Variants in SYT5 observed in about 807,000 individuals in gnomAD.
SYT5 encodes synaptotagmin-5.
In SYT5, 29 loss-of-function variants were observed where a neutral mutation model predicts 36.0. That is an observed-to-expected ratio of 0.81 (90% CI 0.60 to 1.10). The LOEUF (loss-of-function observed/expected upper bound fraction) is 1.10. Ranked by LOEUF, SYT5 falls within the 50% of genes least tolerant of loss-of-function variation. SYT5 has a pLI of 0.00. For synonymous variants in SYT5, 231 were observed against 227.6 expected (o/e 1.02, Z -0.14); for missense variants, 512 against 516.0 (o/e 0.99, Z 0.08).
At position 55,175,583 on chromosome 19, in the gene SYT5, G is replaced by A. The variant is rs2086066699; in HGVS notation, c.540+126C>T. Reference sequence around the variant, plus strand: ...GTAGTGCCCAGGGTCCAGTGGAATAGCCCCAGAGCTGGTAGCTGCCACCTG... The same window carrying A: ...GTAGTGCCCAGGGTCCAGTGGAATAACCCCAGAGCTGGTAGCTGCCACCTG... On this transcript the variant is annotated intron_variant, in intron 5 of 8. Coordinates refer to ENST00000354308, the MANE Select transcript of SYT5 (RefSeq NM_003180.3). This position sits in a 1 kb window ranked among gnomAD's most constrained non-coding sequence, Gnocchi z 4.5. 1 of 1,318,144 alleles carries A rather than the reference G, an allele frequency of 7.6e-7. No homozygotes were observed. The allele number at this position is 1,318,144 out of a possible 1,614,324, so 81.7% of individuals were successfully genotyped here. A position where few individuals can be genotyped will look rare whatever the true frequency, so the allele number is the denominator to read the frequency against.
chr19:55,178,899 C>T (rs1321612330), intron 2 of SYT5, 64 bp downstream of exon 2: 5 of 1,388,376 alleles, frequency 3.6e-6, no homozygotes, highest in Admixed American at 3.4e-5. Context: ...GTCCGAATCC[C>T]GCCCCTCGGA....
rs1403420007 is a variant in SYT5, at chr19:55,175,028, C to A, written c.709-29G>T. Reference sequence around the variant, plus strand: ...AAAGGAGAGGGGCCCATCACCAGAGCCCCGGCTCCACATCCATGCCTCCTC... The same window carrying A: ...AAAGGAGAGGGGCCCATCACCAGAGACCCGGCTCCACATCCATGCCTCCTC... On this transcript the variant is annotated intron_variant, in intron 6 of 8. Coordinates refer to ENST00000354308, the MANE Select transcript of SYT5 (RefSeq NM_003180.3). The surrounding 1 kb of genome is among the most constrained non-coding windows in gnomAD (Gnocchi z 4.5). 1 of 1,608,770 alleles carries A rather than the reference C, an allele frequency of 6.2e-7. No individual in the cohort carries two copies. Among genetic ancestry groups the A allele is most frequent in the Non-Finnish European group, 8.5e-7 (1 of 1,178,956 alleles).
In SYT5 at chr19:55,179,538, G is replaced by A. The variant is rs1599949814; in HGVS notation, c.-45-452C>T. 2.6e-5 allele frequency: 6 copies of A among 232,946 alleles called. No homozygotes were observed. In the East Asian group the frequency reaches 3.3e-4, roughly 13 times the overall value. 14.4% of individuals were successfully genotyped at this position (232,946 alleles called of 1,614,324 possible). A position where few individuals can be genotyped will look rare whatever the true frequency, so the allele number is the denominator to read the frequency against. On this transcript the variant is annotated intron_variant, in intron 1 of 8. Transcript: ENST00000354308. The surrounding 1 kb of genome is among the most constrained non-coding windows in gnomAD (Gnocchi z 4.5). ...GGGCAGGCTCGCTCCGGGGCCCACCGGTGCCTGGGAACCCCCCAATAGCCC... is the reference window on the plus strand; with the variant it reads ...GGGCAGGCTCGCTCCGGGGCCCACCAGTGCCTGGGAACCCCCCAATAGCCC...
At position 55,175,179 on chromosome 19, in the gene SYT5, C is replaced by T. The variant is rs776619020; in HGVS notation, c.701G>A (p.Arg234Gln). ...QAWRELQAAP[R>Q]EEQEKLGDIC... ...GCGACCGCGCATGCTCACCTCCTCC[C>T]GCGGAGCCGCCTGCAGCTCCCGCCA... Residue 234 changes from arginine (R) to glutamine (Q), a missense_variant, in exon 6 of 9, where the codon CGG becomes CAG. Arg to Gln is a conservative substitution (Grantham distance 43, BLOSUM62 1). Coordinates refer to ENST00000354308, the MANE Select transcript of SYT5 (RefSeq NM_003180.3). The surrounding 1 kb of genome is among the most constrained non-coding windows in gnomAD (Gnocchi z 4.5). The T allele has an allele frequency of 1.1e-4, 176 of 1,599,128 alleles. No homozygotes were observed. Among genetic ancestry groups the T allele is most frequent in the Non-Finnish European group, 1.5e-4 (175 of 1,174,604 alleles).
chr19:55,173,853 C>T lies in SYT5; in HGVS notation c.961-169G>A. 2 of 585,972 alleles carry T rather than the reference C, an allele frequency of 3.4e-6. No homozygotes were observed. The highest frequency in any genetic ancestry group is 5.2e-6 in the Non-Finnish European group (2 of 383,780). 36.3% of individuals were successfully genotyped at this position (585,972 alleles called of 1,614,324 possible). On this transcript the variant is annotated intron_variant, in intron 8 of 8. Transcript: ENST00000354308. The surrounding 1 kb of genome is among the most constrained non-coding windows in gnomAD (Gnocchi z 5.4). Reference sequence around the variant, plus strand: ...TGGGAGACGAGAGGGACGGAGCCTGCGGCGAGGAGGAGGCTCTGGCGCCTT... The same window carrying T: ...TGGGAGACGAGAGGGACGGAGCCTGTGGCGAGGAGGAGGCTCTGGCGCCTT...
rs1360557605 is a variant in SYT5 at position 55,179,055 on chromosome 19, T to G, written c.-14A>C. ...CTCCGGGAACATGGTGGCGGGGTCCTGGAGTCTTTTCTGCAGAGACACTCA... is the reference window on the plus strand; with the variant it reads ...CTCCGGGAACATGGTGGCGGGGTCCGGGAGTCTTTTCTGCAGAGACACTCA... On this transcript the variant is annotated 5_prime_UTR_variant, in exon 2 of 9. Transcript: ENST00000354308. This position sits in a 1 kb window ranked among gnomAD's most constrained non-coding sequence, Gnocchi z 4.5. The G allele has an allele frequency of 6.2e-7, 1 of 1,601,910 alleles. No individual in the cohort carries two copies. The highest frequency in any genetic ancestry group is 1.3e-5 in the African/African-American group (1 of 74,616).
chr19:55,174,112 A>G, intron 8 of SYT5: 1 of 193,412 alleles, frequency 5.2e-6, no homozygotes, highest in Non-Finnish European at 1.0e-5. Flanking sequence ...AGGGTGGGGA[A>G]TCTGGTCCCG....
intron 3 of SYT5, 135 bp from the exon 4 acceptor site, chr19:55,176,259 G>A (rs891174176): frequency 3.0e-5 from 36 of 1,199,520 alleles, no homozygotes; most frequent in Non-Finnish European, 4.0e-5. Flanking sequence ...TTCAGTATTT[G>A]ACTAGTGCTG....
Position 55,175,299 on chromosome 19 carries a change from G to C in SYT5, c.581C>G (p.Ala194Gly). ...AGAGAAGCGGTCGAAGTCGTACACC[G>C]CCATGACCAGCACCCTGCCCCCCAG... Reference protein sequence around the residue: ...VELGGRVLVMAVYDFDRFSRN... With the variant: ...VELGGRVLVMGVYDFDRFSRN... Residue 194 changes from alanine to glycine, a missense_variant, in exon 6 of 9, where the codon GCG (alanine) becomes GGG (glycine). Ala to Gly is a moderately conservative substitution (Grantham distance 60). Transcript: ENST00000354308. The surrounding 1 kb of genome is among the most constrained non-coding windows in gnomAD (Gnocchi z 4.5). The C allele has an allele frequency of 6.3e-7, 1 of 1,575,544 alleles. No homozygotes were observed. Among genetic ancestry groups the C allele is most frequent in the Non-Finnish European group, 8.6e-7 (1 of 1,162,050 alleles).
chr19:55,175,247 C>A lies in SYT5; in HGVS notation c.633G>T (p.Arg211=), dbSNP rs749047410. ...FSRNDAIGEV[R]VPMSSVDLGR... ...CCAGGTCCACGGAGCTCATAGGGAC[C>A]CGCACCTCCCCGATGGCGTCATTGC... Residue 211 remains arginine, a synonymous_variant, in exon 6 of 9, where the codon CGG becomes CGT. Coordinates refer to ENST00000354308, the MANE Select transcript of SYT5 (RefSeq NM_003180.3). The surrounding 1 kb of genome is among the most constrained non-coding windows in gnomAD (Gnocchi z 4.5). 4.4e-6 allele frequency: 7 copies of A among 1,608,894 alleles called. No homozygotes were observed. The East Asian group carries it at 1.6e-4, about 36-fold the overall frequency.
At chr19:55,176,228 A>T in intron 3 of SYT5, 104 bp from the exon 4 acceptor site, 3 of 1,509,364 alleles carry the variant, frequency 2.0e-6, no homozygotes, top group Non-Finnish European at 2.7e-6. Context: ...GCTATACCTG[A>T]GCTCTCACAG....
chr19:55,175,117 T>A lies in SYT5; in HGVS notation c.708+55A>T. ...CTATGATCTGATTGGCTCAGGATGT[T>A]GTGGGCGGGACTGGGCCTGGGGGCG... is the stretch of plus-strand genomic sequence containing the variant. On this transcript the variant is annotated intron_variant, in intron 6 of 8. Coordinates refer to ENST00000354308, the MANE Select transcript of SYT5 (RefSeq NM_003180.3). This position sits in a 1 kb window ranked among gnomAD's most constrained non-coding sequence, Gnocchi z 4.5. 2 of 1,580,282 alleles carry A rather than the reference T, an allele frequency of 1.3e-6. No individual in the cohort carries two copies. The highest frequency in any genetic ancestry group is 1.7e-6 in the Non-Finnish European group (2 of 1,167,252).
Position 55,175,388 on chromosome 19 carries a change from G to T in SYT5, c.541-49C>A. 1 of 1,488,492 alleles carries T rather than the reference G, an allele frequency of 6.7e-7. No individual in the cohort carries two copies. Among genetic ancestry groups the T allele is most frequent in the East Asian group, 2.3e-5 (1 of 43,272 alleles). The allele number at this position is 1,488,492 out of a possible 1,614,324, so 92.2% of individuals were successfully genotyped here. On this transcript the variant is annotated intron_variant, in intron 5 of 8. Coordinates refer to ENST00000354308, the MANE Select transcript of SYT5 (RefSeq NM_003180.3). This position sits in a 1 kb window ranked among gnomAD's most constrained non-coding sequence, Gnocchi z 4.5. The stretch of plus-strand genomic sequence containing the variant: ...GTAGAGAGCAGGAAGTCAGAGATAG[G>T]GTGAGGCACAGCACAACCAGAAGGA...
Position 55,175,284 on chromosome 19 carries a change from TC to T in SYT5, c.595del (p.Asp199ThrfsTer16). On this transcript the variant is annotated frameshift_variant, in exon 6 of 9. Coordinates refer to ENST00000354308, the MANE Select transcript of SYT5 (RefSeq NM_003180.3). LOFTEE classifies it high-confidence loss of function. This position sits in a 1 kb window ranked among gnomAD's most constrained non-coding sequence, Gnocchi z 4.5. ...RVLVMAVYDF[D>X]RFSRNDAIGE... ...GATGGCGTCATTGCGAGAGAAGCGG[TC>T]GAAGTCGTACACCGCCATGACCAGC... The T allele has an allele frequency of 6.3e-7, 1 of 1,594,042 alleles. No homozygotes were observed. Among genetic ancestry groups the T allele is most frequent in the Non-Finnish European group, 8.5e-7 (1 of 1,171,660 alleles).
rs1568879721 is a variant in SYT5 at position 55,178,448 on chromosome 19, G to A, written c.80-80C>T. The A allele has an allele frequency of 2.1e-6, 3 of 1,442,922 alleles. No homozygotes were observed. The Admixed American group carries it at 7.8e-5, about 37-fold the overall frequency. The allele number at this position is 1,442,922 out of a possible 1,614,324, so 89.4% of individuals were successfully genotyped here. A position where few individuals can be genotyped will look rare whatever the true frequency, so the allele number is the denominator to read the frequency against. ...TCAGTCCTGATTACACGTGGAAGCTGGAATGCTGGCCTCCTTTTCCCTCCA... is the reference window on the plus strand; with the variant it reads ...TCAGTCCTGATTACACGTGGAAGCTAGAATGCTGGCCTCCTTTTCCCTCCA... On this transcript the variant is annotated intron_variant, in intron 2 of 8. Coordinates refer to ENST00000354308, the MANE Select transcript of SYT5 (RefSeq NM_003180.3).
Position 55,173,468 on chromosome 19 carries a change from G to C in SYT5, c.*16C>G. 1.5e-6 allele frequency: 2 copies of C among 1,350,670 alleles called. No individual in the cohort carries two copies. The highest frequency in any genetic ancestry group is 1.9e-6 in the Non-Finnish European group (2 of 1,052,390). 83.7% of individuals were successfully genotyped at this position (1,350,670 alleles called of 1,614,324 possible). On this transcript the variant is annotated 3_prime_UTR_variant, in exon 9 of 9. Coordinates refer to ENST00000354308, the MANE Select transcript of SYT5 (RefSeq NM_003180.3). The surrounding 1 kb of genome is among the most constrained non-coding windows in gnomAD (Gnocchi z 5.4). Reference sequence around the variant, plus strand: ...GGGGCTAGAGTCCAGGCTTGGCCGGGGGCTTGGGGTGGGAGTCAGGGCGCA... The same window carrying C: ...GGGGCTAGAGTCCAGGCTTGGCCGGCGGCTTGGGGTGGGAGTCAGGGCGCA...
At position 55,173,812 on chromosome 19, in the gene SYT5, G is replaced by C. The variant is rs2086033534; in HGVS notation, c.961-128C>G. 2 of 1,005,064 alleles carry C rather than the reference G, an allele frequency of 2.0e-6. No individual in the cohort carries two copies. The highest frequency in any genetic ancestry group is 8.5e-5 in the Admixed American group (2 of 23,456). The allele number at this position is 1,005,064 out of a possible 1,614,324, so 62.3% of individuals were successfully genotyped here. On this transcript the variant is annotated intron_variant, in intron 8 of 8. Transcript: ENST00000354308. This position sits in a 1 kb window ranked among gnomAD's most constrained non-coding sequence, Gnocchi z 5.4. ...CCGAGGGCTCGGGGCCCCGGAGCTC[G>C]GGACGGGGGAGGGGGTGGGAGACGA...
Position 55,175,136 on chromosome 19 carries a change from G to C in SYT5, c.708+36C>G. ...GGATGTTGTGGGCGGGACTGGGCCT[G>C]GGGGCGTGGCTCGGGGCGCGACCGC... On this transcript the variant is annotated intron_variant, in intron 6 of 8. Coordinates refer to ENST00000354308, the MANE Select transcript of SYT5 (RefSeq NM_003180.3). The surrounding 1 kb of genome is among the most constrained non-coding windows in gnomAD (Gnocchi z 4.5). The C allele has an allele frequency of 6.3e-7, 1 of 1,579,530 alleles. No individual in the cohort carries two copies. The highest frequency in any genetic ancestry group is 2.3e-5 in the East Asian group (1 of 43,574).
chr19:55,177,930 T>C (rs898434128), intron 3 of SYT5, among the ~76,000 whole-genome samples: 8 of 152,182 alleles, frequency 5.3e-5, no homozygotes, highest in African/African-American at 1.9e-4. Context: ...TGAGACCCTG[T>C]AGTATGGCAC....
Sources: gnomAD v4.1 joint callset for allele counts (sites outside exome capture counted in the v4.1 genomes callset) on GRCh38, gnomAD v4.1.1 for gene constraint, Gnocchi (gnomAD v3.1) non-coding constraint, MANE v1.5 for transcripts, NCBI Gene and HGNC (gene_info 2026-07-23, HGNC 2026-07-21) for gene names.